ARHGAP35: variants seen among roughly 807,000 people sequenced by gnomAD.
ARHGAP35 encodes rho GTPase-activating protein 35.
In ARHGAP35, 15 loss-of-function variants were observed where a neutral mutation model predicts 111.1. The ratio of observed to expected loss-of-function variants is 0.13; its 90% confidence interval spans 0.09 to 0.21. The LOEUF (loss-of-function observed/expected upper bound fraction) is 0.21, where lower values mean the gene tolerates loss of function less well. ARHGAP35 is among the 10% of genes least tolerant of loss of function. The pLI, the probability that ARHGAP35 is intolerant of heterozygous loss-of-function variation, is 1.00. For missense variants in ARHGAP35, 1,262 were observed against 1,873.0 expected, an observed-to-expected ratio of 0.67 and a Z score of 6.02; for synonymous variants, 643 against 710.3, an observed-to-expected ratio of 0.91 and a Z score of 1.51.
Position 46,964,932 on chromosome 19 carries a change from T to C in ARHGAP35, c.3827-23057T>C, listed in dbSNP as rs377059680. ...AAAGTGATTTCTTTCCCTTCATATG[T>C]TTATTCAGTTATCATAGTACTACCT... On this transcript the variant is annotated intron_variant, in intron 3 of 6. Transcript: ENST00000672722. Among the ~76,000 whole-genome samples, 7 of 152,338 alleles carry C rather than the reference T, an allele frequency of 4.6e-5. No homozygotes were observed. In the East Asian group the frequency reaches 1.3e-3, roughly 29 times the overall value.
intron 3 of ARHGAP35, among the ~76,000 whole-genome samples, chr19:46,961,799 G>A (rs1436108490): frequency 2.0e-5 from 3 of 151,960 alleles, no homozygotes; most frequent in Non-Finnish European, 4.4e-5. Context: ...GCGTGGTGGC[G>A]CACACCTGTA....
chr19:46,944,173 G>T (rs992891499), intron 3 of ARHGAP35, among the ~76,000 whole-genome samples: 5 of 151,782 alleles, frequency 3.3e-5, no homozygotes, highest in East Asian at 1.9e-4. Context: ...GATGGTCCAT[G>T]CCTGTAGTCC....
intron 3 of ARHGAP35, among the ~76,000 whole-genome samples, chr19:46,982,295 G>A (rs2122323439): frequency 6.6e-6 from 1 of 152,126 alleles, no homozygotes; most frequent in East Asian, 1.9e-4. Flanking sequence ...TAGCCAACAT[G>A]GCAAAACCCC....
intron 3 of ARHGAP35, among the ~76,000 whole-genome samples, chr19:46,976,352 G>A (rs180738433): frequency 4.3e-4 from 66 of 151,938 alleles, no homozygotes; most frequent in African/African-American, 1.5e-3. Flanking sequence ...GCTCTTGCCT[G>A]TTCCAGATAA....
chr19:46,866,222 C>T lies in ARHGAP35; in HGVS notation c.-189+5013C>T, dbSNP rs114144550. On this transcript the variant is annotated intron_variant, in intron 1 of 6. Transcript: ENST00000672722. ...TCCAGTTGGTAAGATTTCTTTTTCA[C>T]GATCTGTAAAATAGGTAAAATTGAG... Among the ~76,000 whole-genome samples the T allele has an allele frequency of 1.6e-3, 251 of 152,274 alleles. 1 individual carries two copies. Among genetic ancestry groups the T allele is most frequent in the African/African-American group, 5.8e-3 (242 of 41,548 alleles).
At chr19:46,888,370 C>A (rs2056006833) in intron 1 of ARHGAP35, among the ~76,000 whole-genome samples, 1 of 119,988 alleles carries the variant, frequency 8.3e-6, no homozygotes, top group Non-Finnish European at 1.7e-5. Context: ...ACACACCCCA[C>A]AACAAGAAGT....
chr19:46,872,372 G>A (rs1450447621), intron 1 of ARHGAP35, among the ~76,000 whole-genome samples: 1 of 151,168 alleles, frequency 6.6e-6, no homozygotes, highest in African/African-American at 2.4e-5. Context: ...ATTTTCCCAA[G>A]CTTTCCACAA....
chr19:46,994,009 G>A lies in ARHGAP35; in HGVS notation c.4036+4334G>A, dbSNP rs1247771064. Among the ~76,000 whole-genome samples the A allele has an allele frequency of 6.6e-6, 1 of 152,180 alleles. No individual in the cohort carries two copies. Among genetic ancestry groups the A allele is most frequent in the Non-Finnish European group, 1.5e-5 (1 of 68,040 alleles). ...GAGGGAGCAGAGGATGTGAGGATCGGGCCCTCCACAGTCTGGGTCCTGAGG... is the reference window on the plus strand; with the variant it reads ...GAGGGAGCAGAGGATGTGAGGATCGAGCCCTCCACAGTCTGGGTCCTGAGG... On this transcript the variant is annotated intron_variant, in intron 5 of 6. Coordinates refer to ENST00000672722, the MANE Select transcript of ARHGAP35 (RefSeq NM_004491.5). The surrounding 1 kb of genome is among the most constrained non-coding windows in gnomAD (Gnocchi z 5.4).
At chr19:46,884,625 T>G (rs2055983825) in intron 1 of ARHGAP35, among the ~76,000 whole-genome samples, 1 of 150,428 alleles carries the variant, frequency 6.6e-6, no homozygotes, top group African/African-American at 2.4e-5. Flanking sequence ...GTGTCCCTAA[T>G]AGCTAGGACT....
At position 46,991,424 on chromosome 19, in the gene ARHGAP35, G is replaced by A. The variant is rs141717353; in HGVS notation, c.4036+1749G>A. Among the ~76,000 whole-genome samples the A allele has an allele frequency of 1.2e-3, 185 of 152,312 alleles. 1 individual carries two copies. The highest frequency in any genetic ancestry group is 4.3e-3 in the Admixed American group (66 of 15,300). ...CAGCACCTTTTTGTGTAGGGTTGTG[G>A]GGCCGGCAGGAACGGGAGGTGCTAT... On this transcript the variant is annotated intron_variant, in intron 5 of 6. Transcript: ENST00000672722.
Position 46,919,286 on chromosome 19 carries a change from A to G in ARHGAP35, c.611A>G (p.Glu204Gly), listed in dbSNP as rs1383145631. The change falls in exon 2 of 7, where the codon GAA becomes GGA. Residue 204 changes from glutamate (E) to glycine (G), a missense_variant. Physicochemically the swap from Glu to Gly is moderately conservative, Grantham distance 98. This residue lies in a region of ARHGAP35 where 125 missense variants were observed against 301.7 expected (regional missense o/e 0.41). Transcript: ENST00000672722. This position sits in a 1 kb window ranked among gnomAD's most constrained non-coding sequence, Gnocchi z 6.2. ...PIVVVLTKCD[E>G]GVERYIRDAH... is the part of the protein sequence containing the mutation. ...GTGGTGGTCCTGACTAAGTGTGACG[A>G]AGGTGTTGAGCGGTACATTAGAGAT... The G allele has an allele frequency of 6.2e-7, 1 of 1,613,882 alleles. No homozygotes were observed. The highest frequency in any genetic ancestry group is 8.5e-7 in the Non-Finnish European group (1 of 1,179,900).
At chr19:46,883,644 A>G (rs901547268) in intron 1 of ARHGAP35, among the ~76,000 whole-genome samples, 1 of 152,216 alleles carries the variant, frequency 6.6e-6, no homozygotes. Flanking sequence ...TGAAGTGAGC[A>G]TATGCTGTTG....
At chr19:46,865,817 TAAAC>T (rs769033245) in intron 1 of ARHGAP35, among the ~76,000 whole-genome samples, 55 of 152,242 alleles carry the variant, frequency 3.6e-4, no homozygotes, top group Non-Finnish European at 5.1e-4. Context: ...CCTGGCAGTC[TAAAC>T]AATGTCTTGA....
chr19:46,963,825 C>A (rs918062891), intron 3 of ARHGAP35, among the ~76,000 whole-genome samples: 3 of 152,224 alleles, frequency 2.0e-5, no homozygotes, highest in Non-Finnish European at 4.4e-5. Context: ...CAGCAGATGC[C>A]ATGCTGTATC....
chr19:46,956,420 T>G (rs1290241363), intron 3 of ARHGAP35, among the ~76,000 whole-genome samples: 2 of 139,896 alleles, frequency 1.4e-5, no homozygotes, highest in African/African-American at 5.2e-5. Flanking sequence ...CCAAGATATC[T>G]TTTTTTTTTT....
intron 1 of ARHGAP35, among the ~76,000 whole-genome samples, chr19:46,875,597 C>T (rs1198351895): frequency 6.6e-6 from 1 of 152,134 alleles, no homozygotes; most frequent in Non-Finnish European, 1.5e-5. Flanking sequence ...AATCTGAGTT[C>T]TCGTGTCTAT....
chr19:46,967,328 T>C (rs2056521304), intron 3 of ARHGAP35, among the ~76,000 whole-genome samples: 1 of 152,252 alleles, frequency 6.6e-6, no homozygotes, highest in African/African-American at 2.4e-5. Context: ...TCCCAGAGAA[T>C]CTGCTGACCT....
intron 3 of ARHGAP35, among the ~76,000 whole-genome samples, chr19:46,968,012 A>G (rs2056525162): frequency 1.3e-5 from 2 of 152,236 alleles, no homozygotes; most frequent in African/African-American, 4.8e-5. Context: ...TCCTTCCTCA[A>G]TGGATCCTAA....
chr19:46,983,462 T>C (rs1304797501), intron 3 of ARHGAP35, among the ~76,000 whole-genome samples: 3 of 152,110 alleles, frequency 2.0e-5, no homozygotes, highest in African/African-American at 4.8e-5. Context: ...CTAGACCAGG[T>C]ATTCATCTTT....
Sources: gnomAD v4.1 joint callset for allele counts (sites outside exome capture counted in the v4.1 genomes callset) on GRCh38, gnomAD v4.1.1 for gene constraint, gnomAD v4.1.1 regional missense constraint, Gnocchi (gnomAD v3.1) non-coding constraint, MANE v1.5 for transcripts, NCBI Gene and HGNC (gene_info 2026-07-23, HGNC 2026-07-21) for gene names.